Variants in LUZP1 observed in about 807,000 individuals in gnomAD.
LUZP1 encodes the protein filamin mechanobinding actin cross-linking protein.
A neutral mutation model predicts 71.3 loss-of-function variants in LUZP1; 25 were observed. The ratio of observed to expected loss-of-function variants is 0.35; its 90% CI spans 0.26 to 0.49. The LOEUF (loss-of-function observed/expected upper bound fraction) is 0.49, where lower values mean the gene tolerates loss of function less well. LUZP1 is among the 20% of genes least tolerant of loss of function. The pLI, the probability that LUZP1 is intolerant of heterozygous loss-of-function variation, is 0.99. For synonymous variants in LUZP1, 481 were observed against 506.4 expected, an observed-to-expected ratio of 0.95 and a Z score of 0.67; for missense variants, 1,142 against 1,300.8, an observed-to-expected ratio of 0.88 and a Z score of 1.88.
chr1:23,135,505 T>C (rs563899711), intron 2 of LUZP1, among the ~76,000 whole-genome samples: 13 of 152,298 alleles, frequency 8.5e-5, no homozygotes, highest in Non-Finnish European at 1.8e-4. Context: ...CATATTCTAT[T>C]GAAGATTCAG....
intron 2 of LUZP1, among the ~76,000 whole-genome samples, chr1:23,162,999 T>C (rs1049533429): frequency 2.0e-5 from 3 of 151,940 alleles, no homozygotes; most frequent in Admixed American, 2.0e-4. Context: ...CCCAGCACTT[T>C]TGGAGGCCGA....
At chr1:23,129,455 C>T (rs1395961407) in intron 2 of LUZP1, among the ~76,000 whole-genome samples, 3 of 152,170 alleles carry the variant, frequency 2.0e-5, no homozygotes, top group Non-Finnish European at 4.4e-5. Flanking sequence ...GAGGCGCATG[C>T]CTGTAATCCC....
Position 23,138,697 on chromosome 1 carries a change from G to A in LUZP1, c.-225-29570C>T, listed in dbSNP as rs866744034. ...TGTGTGTGTGTGTGTGTGTGTGTGT[G>A]TATATATATATATATATAAATGAGG... is the stretch of plus-strand genomic sequence containing the variant. On this transcript the variant is annotated intron_variant, in intron 2 of 4. Coordinates refer to ENST00000302291, the Ensembl canonical transcript of LUZP1. Among the ~76,000 whole-genome samples, 362 of 135,988 alleles carry A rather than the reference G, an allele frequency of 2.7e-3. 6 individuals are homozygous for A. The highest frequency in any genetic ancestry group is 0.018 in the Middle Eastern group (5 of 272). The allele number at this position is 135,988 out of a possible 152,430, so 89.2% of individuals were successfully genotyped here.
intron 2 of LUZP1, among the ~76,000 whole-genome samples, chr1:23,156,482 G>A (rs1290852630): frequency 6.6e-6 from 1 of 152,170 alleles, no homozygotes; most frequent in Non-Finnish European, 1.5e-5. Flanking sequence ...AGATTTGCCT[G>A]TCAGCAGACT....
At chr1:23,104,481 G>C (rs1258882637) in intron 3 of LUZP1, among the ~76,000 whole-genome samples, 1 of 152,088 alleles carries the variant, frequency 6.6e-6, no homozygotes, top group African/African-American at 2.4e-5. Flanking sequence ...ACCACGCCTG[G>C]CCCAATGGTA....
chr1:23,126,510 A>G (rs1216456794), intron 2 of LUZP1, among the ~76,000 whole-genome samples: 1 of 152,098 alleles, frequency 6.6e-6, no homozygotes, highest in African/African-American at 2.4e-5. Context: ...GATTCATTAT[A>G]TTTTATATTT....
At chr1:23,109,953 G>C (rs1045462180) in intron 2 of LUZP1, among the ~76,000 whole-genome samples, 3 of 152,038 alleles carry the variant, frequency 2.0e-5, no homozygotes, top group African/African-American at 7.2e-5. Context: ...CTAGAAGATA[G>C]GAAAAAAACA....
intron 3 of LUZP1, among the ~76,000 whole-genome samples, chr1:23,104,847 T>C (rs532520434): frequency 1.3e-5 from 2 of 152,328 alleles, no homozygotes; most frequent in South Asian, 4.1e-4. Flanking sequence ...GAGGCTGAAA[T>C]GCAGGTGCCA....
At chr1:23,134,033 T>G (rs1644234915) in intron 2 of LUZP1, among the ~76,000 whole-genome samples, 1 of 152,226 alleles carries the variant, frequency 6.6e-6, no homozygotes, top group Non-Finnish European at 1.5e-5. Context: ...ATCAGGGGTC[T>G]GCAAACTGAA....
intron 2 of LUZP1, among the ~76,000 whole-genome samples, chr1:23,135,552 G>A (rs1364007132): frequency 6.6e-6 from 1 of 152,126 alleles, no homozygotes; most frequent in East Asian, 1.9e-4. Flanking sequence ...GTTAGGAACA[G>A]GCATGGTACT....
chr1:23,145,272 C>T (rs9426690), intron 2 of LUZP1, among the ~76,000 whole-genome samples: 1 of 151,852 alleles, frequency 6.6e-6, no homozygotes, highest in Non-Finnish European at 1.5e-5. Flanking sequence ...ACAAGACTTA[C>T]TATAACAGAC....
intron 2 of LUZP1, among the ~76,000 whole-genome samples, chr1:23,160,106 CTAATT>C (rs1644452472): frequency 6.6e-6 from 1 of 152,182 alleles, no homozygotes; most frequent in South Asian, 2.1e-4. Flanking sequence ...CTCCTAAAAA[CTAATT>C]TAAATTTACC....
At chr1:23,170,105 A>G (rs1644541541) in intron 1 of LUZP1, among the ~76,000 whole-genome samples, 1 of 152,146 alleles carries the variant, frequency 6.6e-6, no homozygotes, top group Non-Finnish European at 1.5e-5. Context: ...CCCAGCCAGA[A>G]AGCAATCCTC....
chr1:23,160,827 T>C (rs1219563171), intron 2 of LUZP1, among the ~76,000 whole-genome samples: 2 of 152,160 alleles, frequency 1.3e-5, no homozygotes, highest in Non-Finnish European at 2.9e-5. Flanking sequence ...GGTACTGGCA[T>C]AACAAGCTAC....
At chr1:23,084,410 G>T (rs936692406) in exon 5 of LUZP1, 1 of 151,850 alleles carries the variant, frequency 6.6e-6, no homozygotes, top group East Asian at 1.9e-4. Context: ...GCCTTCTCCT[G>T]TAGTCAAATC....
chr1:23,094,325 G>A lies in LUZP1; in HGVS notation c.-64C>T. ...ATTCCACTCAAGGGGATGAGAAATG[G>A]TTACCTTTCTCTTGGCAACCACAAT... is the stretch of plus-strand genomic sequence containing the variant. On this transcript the variant is annotated 5_prime_UTR_variant, in exon 4 of 5. Transcript: ENST00000302291. This position sits in a 1 kb window ranked among gnomAD's most constrained non-coding sequence, Gnocchi z 4.7. The A allele has an allele frequency of 1.1e-5, 16 of 1,511,802 alleles. No homozygotes were observed. The highest frequency in any genetic ancestry group is 1.4e-5 in the Non-Finnish European group (16 of 1,133,784). The allele number at this position is 1,511,802 out of a possible 1,614,324, so 93.6% of individuals were successfully genotyped here.
chr1:23,126,548 G>C (rs1415469688), intron 2 of LUZP1, among the ~76,000 whole-genome samples: 2 of 152,104 alleles, frequency 1.3e-5, no homozygotes, highest in Admixed American at 1.3e-4. Context: ...CTGAATGTAA[G>C]CTCTATTAGA....
intron 2 of LUZP1, among the ~76,000 whole-genome samples, chr1:23,166,439 G>A (rs1427889249): frequency 2.0e-5 from 3 of 151,992 alleles, no homozygotes; most frequent in Non-Finnish European, 4.4e-5. Flanking sequence ...CAGATCACTT[G>A]AGGTCAGGAG....
At chr1:23,084,835 G>C (rs1435726298) in exon 5 of LUZP1, 1 of 152,204 alleles carries the variant, frequency 6.6e-6, no homozygotes, top group Non-Finnish European at 1.5e-5. Flanking sequence ...AATTGGTTAG[G>C]TAAAATACCC....
Sources: gnomAD v4.1 joint callset for allele counts (sites outside exome capture counted in the v4.1 genomes callset) on GRCh38, gnomAD v4.1.1 for gene constraint, Gnocchi (gnomAD v3.1) non-coding constraint, MANE v1.5 for transcripts, NCBI Gene and HGNC (gene_info 2026-07-23, HGNC 2026-07-21) for gene names.